The following VSNL1 variants were observed in gnomAD, a reference collection of about 807,000 sequenced individuals.
VSNL1 encodes visinin like 1.
A neutral mutation model predicts 20.4 loss-of-function variants in VSNL1; 6 were observed. The ratio of observed to expected loss-of-function variants is 0.29; its 90% confidence interval spans 0.16 to 0.58. The LOEUF (loss-of-function observed/expected upper bound fraction) is 0.58. VSNL1 is among the 20% of genes least tolerant of loss of function. The probability of loss-of-function intolerance (pLI) is 0.90; values close to 1 mark genes in which losing one functional copy is unlikely to be tolerated. For missense variants in VSNL1, 100 were observed against 234.5 expected, an observed-to-expected ratio of 0.43 and a Z score of 3.75; for synonymous variants, 93 against 86.4, an observed-to-expected ratio of 1.08 and a Z score of -0.42.
intron 1 of VSNL1, among the ~76,000 whole-genome samples, chr2:17,572,507 C>A (rs1475189729): frequency 1.3e-5 from 2 of 151,960 alleles, no homozygotes; most frequent in African/African-American, 4.8e-5. Flanking sequence ...AAGTAATTAA[C>A]ACTAAAAAAG....
At chr2:17,605,379 C>T (rs1190254964) in intron 2 of VSNL1, among the ~76,000 whole-genome samples, 2 of 151,774 alleles carry the variant, frequency 1.3e-5, no homozygotes, top group Non-Finnish European at 2.9e-5. Context: ...CAAGGCTGAC[C>T]CAGTCACCAC....
chr2:17,588,565 G>A (rs1028199896), intron 1 of VSNL1, among the ~76,000 whole-genome samples: 8 of 152,296 alleles, frequency 5.3e-5, no homozygotes, highest in African/African-American at 1.7e-4. Context: ...TATCACTGCA[G>A]CCCAGAGCAA....
At chr2:17,644,476 A>G (rs1027199651) in intron 2 of VSNL1, among the ~76,000 whole-genome samples, 2 of 152,200 alleles carry the variant, frequency 1.3e-5, no homozygotes, top group Non-Finnish European at 2.9e-5. Context: ...GATACAGTGT[A>G]GCCAAGGAAG....
Position 17,557,096 on chromosome 2 carries a change from C to T in VSNL1, c.-6+16178C>T, listed in dbSNP as rs79591916. Reference sequence around the variant, plus strand: ...TCTCTTTGCCAAGGACTCTGCCAAGCGCTTTACATGCATACTACCTCACTC... The same window carrying T: ...TCTCTTTGCCAAGGACTCTGCCAAGTGCTTTACATGCATACTACCTCACTC... On this transcript the variant is annotated intron_variant, in intron 1 of 3. Transcript: ENST00000295156. 2.2e-3 allele frequency among the ~76,000 whole-genome samples: 342 copies of T among 152,074 alleles called. 2 individuals carry two copies. The highest frequency in any genetic ancestry group is 7.7e-3 in the African/African-American group (319 of 41,522).
chr2:17,638,240 T>C (rs1665799807), intron 2 of VSNL1, among the ~76,000 whole-genome samples: 1 of 152,226 alleles, frequency 6.6e-6, no homozygotes. Context: ...CTCTGTGTAC[T>C]CATCCATGTA....
At chr2:17,598,021 A>T (rs186212122) in intron 2 of VSNL1, among the ~76,000 whole-genome samples, 245 of 152,376 alleles carry the variant, frequency 1.6e-3, no homozygotes, top group African/African-American at 5.6e-3. Context: ...AAAACAAAAT[A>T]AGAATAAATG....
chr2:17,604,039 A>G (rs1664890497), intron 2 of VSNL1, among the ~76,000 whole-genome samples: 1 of 152,198 alleles, frequency 6.6e-6, no homozygotes. Context: ...TGGGAAGATA[A>G]AGCCTTCAAA....
At chr2:17,541,086 T>TG (rs932944696) in intron 1 of VSNL1, 168 bp downstream of exon 1, 2 of 119,266 alleles carry the variant, frequency 1.7e-5, no homozygotes, top group African/African-American at 6.6e-5. Flanking sequence ...TCTTAGTCCA[T>TG]GGGGGATCTT....
chr2:17,640,362 T>C (rs1454908688), intron 2 of VSNL1, among the ~76,000 whole-genome samples: 1 of 152,090 alleles, frequency 6.6e-6, no homozygotes, highest in Non-Finnish European at 1.5e-5. Flanking sequence ...GAACTGATAT[T>C]CAATCCCAGA....
intron 2 of VSNL1, among the ~76,000 whole-genome samples, chr2:17,618,424 G>A (rs1021872463): frequency 2.0e-5 from 3 of 152,128 alleles, no homozygotes; most frequent in Admixed American, 1.3e-4. Flanking sequence ...ACACTGTCAC[G>A]TCCCCTTCTC....
chr2:17,582,347 A>G (rs1311689112), intron 1 of VSNL1, among the ~76,000 whole-genome samples: 2 of 152,160 alleles, frequency 1.3e-5, no homozygotes, highest in Non-Finnish European at 2.9e-5. Flanking sequence ...TGAAGGGTTT[A>G]AGCAGGGCAG....
At chr2:17,592,780 G>A (rs1664625624) in intron 2 of VSNL1, among the ~76,000 whole-genome samples, 1 of 148,894 alleles carries the variant, frequency 6.7e-6, no homozygotes, top group Non-Finnish European at 1.5e-5. Flanking sequence ...GGTCAGCAAT[G>A]TCTACAACAT....
intron 2 of VSNL1, among the ~76,000 whole-genome samples, chr2:17,640,463 G>A (rs1402661691): frequency 6.6e-6 from 1 of 152,124 alleles, no homozygotes; most frequent in African/African-American, 2.4e-5. Flanking sequence ...TTCTTAGTCT[G>A]CAACCAGATC....
chr2:17,636,835 C>A (rs896309043), intron 2 of VSNL1, among the ~76,000 whole-genome samples: 1 of 152,110 alleles, frequency 6.6e-6, no homozygotes, highest in South Asian at 2.1e-4. Flanking sequence ...CTCAAAGGTA[C>A]TCACAGTAGG....
chr2:17,636,184 A>T (rs1353960619), intron 2 of VSNL1, among the ~76,000 whole-genome samples: 2 of 151,952 alleles, frequency 1.3e-5, no homozygotes, highest in East Asian at 3.9e-4. Flanking sequence ...AAAATGAAAG[A>T]TGTCATCAAG....
chr2:17,612,730 G>A (rs969962948), intron 2 of VSNL1, among the ~76,000 whole-genome samples: 1 of 152,162 alleles, frequency 6.6e-6, no homozygotes, highest in South Asian at 2.1e-4. Flanking sequence ...TGCATCCCAG[G>A]TTGCCTCTGG....
At chr2:17,651,235 C>T (rs1488811788) in intron 3 of VSNL1, among the ~76,000 whole-genome samples, 2 of 152,230 alleles carry the variant, frequency 1.3e-5, no homozygotes, top group African/African-American at 2.4e-5. Context: ...GACATACCCA[C>T]ACTTACACAA....
At chr2:17,600,308 G>A (rs1664796520) in intron 2 of VSNL1, among the ~76,000 whole-genome samples, 1 of 152,176 alleles carries the variant, frequency 6.6e-6, no homozygotes. Flanking sequence ...GGCTCTTGTT[G>A]AGATAGGAGG....
intron 2 of VSNL1, among the ~76,000 whole-genome samples, chr2:17,624,383 C>G (rs569407521): frequency 4.6e-5 from 7 of 152,192 alleles, no homozygotes; most frequent in Non-Finnish European, 1.0e-4. Flanking sequence ...TGTGTCCCCC[C>G]TTCACCCCAA....
Sources: gnomAD v4.1 joint callset for allele counts (sites outside exome capture counted in the v4.1 genomes callset) on GRCh38, gnomAD v4.1.1 for gene constraint, MANE v1.5 for transcripts, NCBI Gene and HGNC (gene_info 2026-07-23, HGNC 2026-07-21) for gene names.